DMD: variants seen among roughly 807,000 people sequenced by gnomAD.
DMD encodes the protein dystrophin, also known as mutant dystrophin.
DMD carries 63 observed loss-of-function variants against 330.1 expected under a neutral mutation model. That is an observed-to-expected ratio of 0.19 (90% CI 0.16 to 0.24). The LOEUF (loss-of-function observed/expected upper bound fraction) is 0.24, where lower values mean the gene tolerates loss of function less well. DMD is among the 10% of genes least tolerant of loss of function. DMD has a pLI of 1.00. For synonymous variants in DMD, 1,223 were observed against 959.8 expected (o/e 1.27, Z -5.07); for missense variants, 3,344 against 2,684.1 (o/e 1.25, Z -5.43).
At chrX:32,382,384 T>C in intron 33 of DMD, among the ~76,000 whole-genome samples, 1 of 111,187 alleles carries the variant, frequency 9.0e-6, no homozygotes, top group East Asian at 2.8e-4. Flanking sequence ...TATGTGTATG[T>C]GTGTGTACAA....
intron 1 of DMD, among the ~76,000 whole-genome samples, chrX:33,184,985 G>T (rs1011637562): frequency 9.1e-6 from 1 of 110,108 alleles, no homozygotes; most frequent in Non-Finnish European, 1.9e-5. Flanking sequence ...GCCTCCCAAA[G>T]TGCTGGGATT....
chrX:32,919,542 A>G (rs56077282), intron 2 of DMD, among the ~76,000 whole-genome samples: 26,490 of 111,006 alleles, frequency 0.24, 2,677 homozygotes, highest in Non-Finnish European at 0.32. Context: ...AGTAGTATTC[A>G]GTCTATTCTA....
At position 32,062,174 on chromosome X, in the gene DMD, C is replaced by T. The variant is rs1350768329; in HGVS notation, c.6439-93660G>A. 2.7e-5 allele frequency among the ~76,000 whole-genome samples: 3 copies of T among 110,468 alleles called. No individual in the cohort carries two copies. In the Admixed American group the frequency reaches 2.9e-4, roughly 11 times the overall value. On this transcript the variant is annotated intron_variant, in intron 44 of 78. Transcript: ENST00000357033. The stretch of plus-strand genomic sequence containing the variant: ...TGTTGATATTTATAAGGTCTGGCTT[C>T]GTATCAAGCAGTTATGTAAAGTGTA...
At chrX:32,601,205 G>A in intron 12 of DMD, among the ~76,000 whole-genome samples, 1 of 111,502 alleles carries the variant, frequency 9.0e-6, no homozygotes, top group East Asian at 2.8e-4. Flanking sequence ...GCTGGTCACA[G>A]TATTGTCTAG....
chrX:32,128,687 T>A (rs2096673282), intron 44 of DMD, among the ~76,000 whole-genome samples: 1 of 112,180 alleles, frequency 8.9e-6, no homozygotes, highest in African/African-American at 3.2e-5. Flanking sequence ...ATTCAACATT[T>A]AGGCTTTAAA....
chrX:32,115,858 C>G (rs1458076522), intron 44 of DMD, among the ~76,000 whole-genome samples: 1 of 111,685 alleles, frequency 9.0e-6, no homozygotes, highest in African/African-American at 3.3e-5. Flanking sequence ...GTCTGAACCA[C>G]CTCTGATGTG....
chrX:33,157,566 A>C (rs2048566208), intron 1 of DMD, among the ~76,000 whole-genome samples: 1 of 112,456 alleles, frequency 8.9e-6, no homozygotes. Context: ...GACTGCTGTC[A>C]ATCTCTCAGT....
At chrX:32,271,623 G>A (rs966075733) in intron 43 of DMD, among the ~76,000 whole-genome samples, 3 of 112,773 alleles carry the variant, frequency 2.7e-5, no homozygotes, top group Non-Finnish European at 5.6e-5. Context: ...AATAGAAGGT[G>A]AAACAAGCAA....
chrX:31,271,343 G>A (rs966861269), intron 62 of DMD, among the ~76,000 whole-genome samples: 1 of 111,751 alleles, frequency 8.9e-6, no homozygotes, highest in Non-Finnish European at 1.9e-5. Flanking sequence ...GATTTGCAGT[G>A]TACTGTTGGA....
At chrX:32,235,206 TG>T (rs1009279569) in intron 43 of DMD, among the ~76,000 whole-genome samples, 1 of 111,506 alleles carries the variant, frequency 9.0e-6, no homozygotes. Context: ...TGGTCCCATC[TG>T]GGGGGTGATG....
intron 50 of DMD, among the ~76,000 whole-genome samples, chrX:31,812,317 A>C (rs2092482649): frequency 9.4e-6 from 1 of 105,949 alleles, no homozygotes; most frequent in Non-Finnish European, 1.9e-5. Flanking sequence ...TATCGCAAGG[A>C]CAAAAAACCA....
At chrX:32,734,524 T>C (rs1247644930) in intron 7 of DMD, among the ~76,000 whole-genome samples, 1 of 106,246 alleles carries the variant, frequency 9.4e-6, no homozygotes, top group Non-Finnish European at 1.9e-5. Flanking sequence ...AATAAAATAC[T>C]GGCAAAACGA....
intron 9 of DMD, among the ~76,000 whole-genome samples, chrX:32,687,723 T>A (rs1164736647): frequency 9.0e-6 from 1 of 111,646 alleles, no homozygotes; most frequent in Non-Finnish European, 1.9e-5. Flanking sequence ...TGAACCCATC[T>A]GAGACCCAGA....
intron 74 of DMD, among the ~76,000 whole-genome samples, chrX:31,162,474 G>A (rs1209180342): frequency 9.2e-6 from 1 of 109,136 alleles, no homozygotes; most frequent in Non-Finnish European, 1.9e-5. Context: ...ATCGCCAGAG[G>A]GGTGCTTCAA....
At chrX:31,233,359 A>G (rs965524083) in intron 63 of DMD, among the ~76,000 whole-genome samples, 1 of 112,114 alleles carries the variant, frequency 8.9e-6, no homozygotes, top group Non-Finnish European at 1.9e-5. Flanking sequence ...TCATAAGTGA[A>G]CACACATCCC....
intron 44 of DMD, among the ~76,000 whole-genome samples, chrX:32,096,607 C>T (rs747673480): frequency 3.1e-4 from 34 of 108,583 alleles, no homozygotes; most frequent in African/African-American, 7.4e-4. Flanking sequence ...TTCACAGTGA[C>T]GGGCCTGAGC....
chrX:32,925,145 G>GTTTTTTTTTT (rs777224221), intron 2 of DMD, among the ~76,000 whole-genome samples: 48 of 48,525 alleles, frequency 9.9e-4, no homozygotes, highest in African/African-American at 3.5e-3. Context: ...AAAACTCTGG[G>GTTTTTTTTTT]TTTTTTTTTT....
chrX:32,441,334 CA>C lies in DMD; in HGVS notation c.3787-21del. 8.4e-7 allele frequency: 1 copy of C among 1,194,540 alleles called. No individual in the cohort carries two copies. The highest frequency in any genetic ancestry group is 3.0e-5 in the East Asian group (1 of 33,569). On this transcript the variant is annotated intron_variant, in intron 27 of 78. Coordinates refer to ENST00000357033, the MANE Select transcript of DMD (RefSeq NM_004006.3). ...AACTTCCTAAGAAAGAAATATATAT[CA>C]CAGATTAAATATTATGGTAGAAAAG...
chrX:32,594,234 G>A (rs2149257973), intron 13 of DMD, among the ~76,000 whole-genome samples: 1 of 111,433 alleles, frequency 9.0e-6, no homozygotes, highest in African/African-American at 3.3e-5. Flanking sequence ...GGACTAAATG[G>A]GGACTTCCCT....
Sources: allele counts gnomAD v4.1 joint callset (sites outside exome capture counted in the v4.1 genomes callset), GRCh38; gene constraint gnomAD v4.1.1; transcripts MANE v1.5; gene names NCBI Gene and HGNC (gene_info 2026-07-23, HGNC 2026-07-21).